The following TMEM236 variants were observed in gnomAD, a reference collection of about 807,000 sequenced individuals.
TMEM236 encodes family with sequence similarity 23, member A.
A neutral mutation model predicts 14.7 loss-of-function variants in TMEM236; 11 were observed. The observed-to-expected ratio is 0.75, with a 90% CI of 0.47 to 1.24. The LOEUF (loss-of-function observed/expected upper bound fraction) is 1.24. TMEM236 is among the 50% of genes most tolerant of loss of function. TMEM236 has a pLI of 0.00. For synonymous variants in TMEM236, 182 were observed against 168.6 expected (o/e 1.08, Z -0.62); for missense variants, 464 against 427.3 (o/e 1.09, Z -0.76).
rs1181734908 is a variant in TMEM236, at chr10:17,768,085, G to GTTTTTTTTT, written c.258-3224_258-3223insTTTTTTTTT. Among the ~76,000 whole-genome samples, 26 of 98,822 alleles carry GTTTTTTTTT rather than the reference G, an allele frequency of 2.6e-4. 4 individuals carry two copies. The highest frequency in any genetic ancestry group is 7.8e-4 in the East Asian group (3 of 3,828). 64.8% of individuals were successfully genotyped at this position (98,822 alleles called of 152,430 possible). On this transcript the variant is annotated intron_variant, in intron 1 of 3. Transcript: ENST00000377495. Reference sequence around the variant, plus strand: ...ACCACCACACCTCGCTAATTTTTGTGGTTTTTTTTTTTTTTTTTTTTTTGT... The same window carrying GTTTTTTTTT: ...ACCACCACACCTCGCTAATTTTTGTGTTTTTTTTTGTTTTTTTTTTTTTTTTTTTTTTGT...
rs2130547401 is a variant in TMEM236 at position 17,800,036 on chromosome 10, A to G, written c.*3532A>G. 1 of 152,272 alleles carries G rather than the reference A, an allele frequency of 6.6e-6. No individual in the cohort carries two copies. Among genetic ancestry groups the G allele is most frequent in the African/African-American group, 2.4e-5 (1 of 41,552 alleles). The allele number at this position is 152,272 out of a possible 1,614,324, so 9.4% of individuals were successfully genotyped here. On this transcript the variant is annotated 3_prime_UTR_variant, in exon 4 of 4. Coordinates refer to ENST00000377495, the MANE Select transcript of TMEM236 (RefSeq NM_001098844.3). ...TAGTTCTACACTGTAATTAAATGTT[A>G]TATATATTATTAAAATTATTAGGTT...
intron 3 of TMEM236, among the ~76,000 whole-genome samples, chr10:17,783,122 A>C (rs1221900105): frequency 6.6e-6 from 1 of 152,162 alleles, no homozygotes; most frequent in Admixed American, 6.5e-5. Flanking sequence ...GGAGAGAGTT[A>C]ACTGCCTCTG....
chr10:17,791,867 G>C (rs1837930813), intron 3 of TMEM236, among the ~76,000 whole-genome samples: 2 of 152,104 alleles, frequency 1.3e-5, no homozygotes. Context: ...TTATTGGTGT[G>C]ATTGCAGGAG....
intron 3 of TMEM236, among the ~76,000 whole-genome samples, chr10:17,777,302 G>C (rs1837674540): frequency 6.6e-6 from 1 of 152,162 alleles, no homozygotes; most frequent in African/African-American, 2.4e-5. Context: ...AGGTGGATAA[G>C]ATGGCAGCCG....
At chr10:17,755,795 G>T (rs1001072795) in intron 1 of TMEM236, among the ~76,000 whole-genome samples, 2 of 152,084 alleles carry the variant, frequency 1.3e-5, no homozygotes, top group Admixed American at 6.5e-5. Flanking sequence ...GGGTTTTTTT[G>T]TATTTTGGTT....
intron 3 of TMEM236, among the ~76,000 whole-genome samples, chr10:17,785,252 A>G (rs1837815082): frequency 6.6e-6 from 1 of 152,194 alleles, no homozygotes; most frequent in Admixed American, 6.5e-5. Context: ...GAGATCATCA[A>G]CGTGTCTTCA....
intron 2 of TMEM236, among the ~76,000 whole-genome samples, chr10:17,772,891 C>T (rs1405470118): frequency 6.6e-6 from 1 of 152,120 alleles, no homozygotes; most frequent in Non-Finnish European, 1.5e-5. Context: ...TCTGATACTG[C>T]AGGCTAGTTT....
intron 1 of TMEM236, among the ~76,000 whole-genome samples, chr10:17,768,778 A>G (rs1452209176): frequency 6.9e-6 from 1 of 145,214 alleles, no homozygotes; most frequent in African/African-American, 2.5e-5. Context: ...TGTGTTTCCT[A>G]TACTATATAT....
At chr10:17,792,295 C>T (rs1837938498) in intron 3 of TMEM236, among the ~76,000 whole-genome samples, 1 of 152,156 alleles carries the variant, frequency 6.6e-6, no homozygotes, top group Non-Finnish European at 1.5e-5. Flanking sequence ...ACCACGTTAG[C>T]CAGGTTGATC....
At chr10:17,788,887 C>T (rs1837878324) in intron 3 of TMEM236, among the ~76,000 whole-genome samples, 1 of 152,156 alleles carries the variant, frequency 6.6e-6, no homozygotes, top group Non-Finnish European at 1.5e-5. Context: ...GAATATTTGT[C>T]TTGAATTCAT....
chr10:17,797,669 T>A lies in TMEM236; in HGVS notation c.*1165T>A, dbSNP rs973089608. The A allele has an allele frequency of 2.0e-5, 3 of 152,196 alleles. No homozygotes were observed. The highest frequency in any genetic ancestry group is 2.0e-4 in the Admixed American group (3 of 15,286). The allele number at this position is 152,196 out of a possible 1,614,324, so 9.4% of individuals were successfully genotyped here. On this transcript the variant is annotated 3_prime_UTR_variant, in exon 4 of 4. Coordinates refer to ENST00000377495, the MANE Select transcript of TMEM236 (RefSeq NM_001098844.3). ...AGGTGGAATTATATTCTTTATTCCA[T>A]TGTGGCAAGGGACTTTTATTCAATA...
intron 3 of TMEM236, among the ~76,000 whole-genome samples, chr10:17,794,999 G>T (rs983629278): frequency 6.6e-6 from 1 of 152,160 alleles, no homozygotes; most frequent in African/African-American, 2.4e-5. Context: ...CTACACTCCA[G>T]CTTGGATGAC....
chr10:17,771,378 T>C lies in TMEM236; in HGVS notation c.327T>C (p.Thr109=), dbSNP rs1554834808. The C allele has an allele frequency of 1.2e-6, 2 of 1,613,348 alleles. No individual in the cohort carries two copies. The highest frequency in any genetic ancestry group is 1.7e-6 in the Non-Finnish European group (2 of 1,179,274). The change falls in exon 2 of 4, where the codon ACT becomes ACC. Residue 109 remains threonine, a synonymous_variant. Transcript: ENST00000377495. ...GCCTCACCTTTTCCATAGCAGTGAC[T>C]GAGGTATGGAATTTTTGATTTCTTC... ...LPCLTFSIAV[T]EVQKSINGSA...
chr10:17,765,521 A>G (rs1837448402), intron 1 of TMEM236, among the ~76,000 whole-genome samples: 1 of 152,186 alleles, frequency 6.6e-6, no homozygotes, highest in Non-Finnish European at 1.5e-5. Context: ...GTTTCTTTCC[A>G]TCTGCAAACC....
intron 1 of TMEM236, among the ~76,000 whole-genome samples, chr10:17,763,442 A>G (rs1837408603): frequency 6.6e-6 from 1 of 152,168 alleles, no homozygotes; most frequent in South Asian, 2.1e-4. Context: ...AAAAAAGAAA[A>G]GAAAACCCTC....
At chr10:17,771,271 TC>T in intron 1 of TMEM236, 37 bp from the exon 2 acceptor site, 1 of 1,590,152 alleles carries the variant, frequency 6.3e-7, no homozygotes, top group Middle Eastern at 1.7e-4. Flanking sequence ...GTCGATCTTG[TC>T]CATGATTGCT....
At chr10:17,757,805 G>C (rs1837304501) in intron 1 of TMEM236, among the ~76,000 whole-genome samples, 1 of 152,042 alleles carries the variant, frequency 6.6e-6, no homozygotes, top group East Asian at 1.9e-4. Context: ...GTCTTACTCT[G>C]TTGCCCAGGC....
rs1424163941 is a variant in TMEM236, at chr10:17,752,239, T to C, written c.-57T>C. The stretch of plus-strand genomic sequence containing the variant: ...CCAGTTCAGTGTCTGTGGGTCCATA[T>C]GCTGCCCACAGTCAAAGAGGGAGTC... On this transcript the variant is annotated 5_prime_UTR_variant, in exon 1 of 4. The change abolishes an upstream ATG in the 5' untranslated region. Coordinates refer to ENST00000377495, the MANE Select transcript of TMEM236 (RefSeq NM_001098844.3). 67 of 1,613,742 alleles carry C rather than the reference T, an allele frequency of 4.2e-5. No individual in the cohort carries two copies. Among genetic ancestry groups the C allele is most frequent in the African/African-American group, 6.7e-5 (5 of 74,916 alleles).
chr10:17,752,340 A>G lies in TMEM236; in HGVS notation c.45A>G (p.Leu15=). 6.2e-7 allele frequency: 1 copy of G among 1,613,820 alleles called. No homozygotes were observed. The highest frequency in any genetic ancestry group is 8.5e-7 in the Non-Finnish European group (1 of 1,179,850). ...RLIKFVVFEL[L]EFAAFSIPTL... Reference sequence around the variant, plus strand: ...TTAAGTTCGTGGTTTTTGAGCTCCTAGAGTTTGCCGCTTTCTCCATCCCCA... The same window carrying G: ...TTAAGTTCGTGGTTTTTGAGCTCCTGGAGTTTGCCGCTTTCTCCATCCCCA... The change falls in exon 1 of 4, where the codon CTA becomes CTG. Residue 15 remains leucine, a synonymous_variant. Transcript: ENST00000377495.
Sources: gnomAD v4.1 joint callset for allele counts (sites outside exome capture counted in the v4.1 genomes callset) on GRCh38, gnomAD v4.1.1 for gene constraint, MANE v1.5 for transcripts, NCBI Gene and HGNC (gene_info 2026-07-23, HGNC 2026-07-21) for gene names.